Variants in PPP2R5C observed in about 807,000 individuals in gnomAD.
PPP2R5C encodes protein phosphatase 2 regulatory subunit B'gamma.
In PPP2R5C, 7 loss-of-function variants were observed where a neutral mutation model predicts 68.9. That is an observed-to-expected ratio of 0.10 (90% CI 0.06 to 0.19). PPP2R5C has a LOEUF of 0.19. PPP2R5C is among the 10% of genes least tolerant of loss of function. The pLI, the probability that PPP2R5C is intolerant of heterozygous loss-of-function variation, is 1.00. For synonymous variants in PPP2R5C, 210 were observed against 222.2 expected, an observed-to-expected ratio of 0.95 and a Z score of 0.49; for missense variants, 348 against 641.3, an observed-to-expected ratio of 0.54 and a Z score of 4.94.
chr14:101,904,413 G>A (rs993708830), intron 9 of PPP2R5C, among the ~76,000 whole-genome samples: 12 of 152,196 alleles, frequency 7.9e-5, no homozygotes, highest in Admixed American at 7.9e-4. Context: ...GCCTCCCAAA[G>A]TGCTGGGATT....
intron 2 of PPP2R5C, among the ~76,000 whole-genome samples, chr14:101,870,850 A>C (rs1320919625): frequency 6.6e-6 from 1 of 152,214 alleles, no homozygotes; most frequent in South Asian, 2.1e-4. Flanking sequence ...TTAGACTCGT[A>C]AATTAGTATT....
At chr14:101,795,545 A>G (rs1245503635) in intron 3 of PPP2R5C, among the ~76,000 whole-genome samples, 3 of 152,034 alleles carry the variant, frequency 2.0e-5, no homozygotes, top group Non-Finnish European at 4.4e-5. Context: ...GGAAGAGTAA[A>G]TTAATCATGG....
rs1239560216 is a variant in PPP2R5C, at chr14:101,916,215, G to A, written c.1327-1616G>A. On this transcript the variant is annotated intron_variant, in intron 12 of 13. Transcript: ENST00000334743. The surrounding 1 kb of genome is among the most constrained non-coding windows in gnomAD (Gnocchi z 5.5). ...TCGGGGTAGGGTGTGGAGATGTGTG[G>A]AGATCGTGGTGCTGGGCGGAGCTGT... 6.6e-6 allele frequency among the ~76,000 whole-genome samples: 1 copy of A among 151,662 alleles called. No individual in the cohort carries two copies. The highest frequency in any genetic ancestry group is 1.5e-5 in the Non-Finnish European group (1 of 67,874).
At chr14:101,779,049 C>A (rs1373382825) in intron 2 of PPP2R5C, among the ~76,000 whole-genome samples, 2 of 152,082 alleles carry the variant, frequency 1.3e-5, no homozygotes, top group Admixed American at 1.3e-4. Context: ...GACAGACAGA[C>A]CCTGTCTCAA....
At chr14:101,862,562 T>C (rs770709327) in intron 2 of PPP2R5C, among the ~76,000 whole-genome samples, 1 of 152,172 alleles carries the variant, frequency 6.6e-6, no homozygotes, top group Admixed American at 6.5e-5. Context: ...ATGTAGACAA[T>C]GACCTAAAAA....
At chr14:101,775,110 C>T (rs1198728666) in intron 2 of PPP2R5C, among the ~76,000 whole-genome samples, 1 of 152,212 alleles carries the variant, frequency 6.6e-6, no homozygotes, top group African/African-American at 2.4e-5. Flanking sequence ...GGGCCTGTAT[C>T]TGAAACCAGT....
intron 1 of PPP2R5C, among the ~76,000 whole-genome samples, chr14:101,853,256 T>G (rs1436225568): frequency 6.6e-6 from 1 of 151,922 alleles, no homozygotes; most frequent in African/African-American, 2.4e-5. Context: ...ACAGTAAAAT[T>G]CTTTTAAAAA....
chr14:101,870,040 C>CTTTTTT (rs141433870), intron 2 of PPP2R5C, among the ~76,000 whole-genome samples: 1 of 53,120 alleles, frequency 1.9e-5, no homozygotes, highest in Non-Finnish European at 3.7e-5. Flanking sequence ...TTCAATTGGG[C>CTTTTTT]TTTTTTTTTT....
intron 2 of PPP2R5C, among the ~76,000 whole-genome samples, chr14:101,777,125 C>T (rs970815315): frequency 2.0e-5 from 3 of 151,912 alleles, no homozygotes; most frequent in Admixed American, 6.6e-5. Context: ...GTGATCCGCC[C>T]GCCTCGGCCT....
upstream of PPP2R5C, chr14:101,761,849 A>G: frequency 9.7e-7 from 1 of 1,035,402 alleles, no homozygotes; most frequent in Non-Finnish European, 1.2e-6. Context: ...CTGCGGGGGC[A>G]GGCGGCGGCA....
chr14:101,829,840 A>G (rs1156855298), intron 1 of PPP2R5C, among the ~76,000 whole-genome samples: 1 of 152,164 alleles, frequency 6.6e-6, no homozygotes, highest in Non-Finnish European at 1.5e-5. Context: ...GGTGCTGCTT[A>G]GTCTCACTTT....
rs368410124 is a variant in PPP2R5C at position 101,906,377 on chromosome 14, C to T, written c.1024-25C>T. ...CTGATGTCTCAGGCACAACCTCCAGCAAGCCATCCACTTGTGTCTTTCAGG... is the reference window on the plus strand; with the variant it reads ...CTGATGTCTCAGGCACAACCTCCAGTAAGCCATCCACTTGTGTCTTTCAGG... On this transcript the variant is annotated intron_variant, in intron 9 of 13. Coordinates refer to ENST00000334743, the Ensembl canonical transcript of PPP2R5C. This position sits in a 1 kb window ranked among gnomAD's most constrained non-coding sequence, Gnocchi z 4.0. The T allele has an allele frequency of 6.4e-7, 1 of 1,567,794 alleles. No individual in the cohort carries two copies. The highest frequency in any genetic ancestry group is 1.4e-5 in the African/African-American group (1 of 73,342).
At chr14:101,894,687 C>T in intron 8 of PPP2R5C, 127 bp downstream of exon 10, 1 of 840,002 alleles carries the variant, frequency 1.2e-6, no homozygotes, top group Non-Finnish European at 1.9e-6. Flanking sequence ...TACTAATAAA[C>T]AGGCTCATTT....
chr14:101,807,709 G>A (rs975848309), upstream of PPP2R5C, among the ~76,000 whole-genome samples: 1 of 151,852 alleles, frequency 6.6e-6, no homozygotes, highest in Non-Finnish European at 1.5e-5. Context: ...TCAGCCTTGG[G>A]TTCTTTAAAG....
intron 1 of PPP2R5C, among the ~76,000 whole-genome samples, chr14:101,813,627 C>T (rs554818260): frequency 2.6e-5 from 4 of 152,198 alleles, no homozygotes; most frequent in Admixed American, 1.3e-4. Context: ...ACAGCCAAGC[C>T]GGAAAGATGG....
chr14:101,772,546 G>A (rs1415759243), intron 2 of PPP2R5C, among the ~76,000 whole-genome samples: 4 of 152,104 alleles, frequency 2.6e-5, no homozygotes, highest in Non-Finnish European at 5.9e-5. Flanking sequence ...TGTAATCCTG[G>A]CACTTTGGGA....
chr14:101,777,762 C>T (rs1359318141), intron 2 of PPP2R5C, among the ~76,000 whole-genome samples: 1 of 152,128 alleles, frequency 6.6e-6, no homozygotes. Context: ...ATTGTAGTTC[C>T]ACGTCCTTTA....
At chr14:101,922,148 T>C (rs2047040436) in intron 13 of PPP2R5C, 1 of 985,418 alleles carries the variant, frequency 1.0e-6, no homozygotes, top group Non-Finnish European at 1.2e-6. Flanking sequence ...TTTTCCCTTT[T>C]GTCCATGTCA....
In PPP2R5C at chr14:101,877,844, G is replaced by A. The variant is rs2043885220; in HGVS notation, c.295-4317G>A. Among the ~76,000 whole-genome samples, 1 of 152,190 alleles carries A rather than the reference G, an allele frequency of 6.6e-6. No individual in the cohort carries two copies. The highest frequency in any genetic ancestry group is 6.5e-5 in the Admixed American group (1 of 15,276). On this transcript the variant is annotated intron_variant, in intron 2 of 13. Coordinates refer to ENST00000334743, the Ensembl canonical transcript of PPP2R5C. This position sits in a 1 kb window ranked among gnomAD's most constrained non-coding sequence, Gnocchi z 4.2. Reference sequence around the variant, plus strand: ...TGCAAGTTTTTTTCCTTACACATGAGAAATGACTTTCAATCAATCAGAATT... The same window carrying A: ...TGCAAGTTTTTTTCCTTACACATGAAAAATGACTTTCAATCAATCAGAATT...
Sources: allele counts gnomAD v4.1 joint callset (sites outside exome capture counted in the v4.1 genomes callset), GRCh38; gene constraint gnomAD v4.1.1; non-coding constraint Gnocchi (gnomAD v3.1); transcripts MANE v1.5; gene names NCBI Gene and HGNC (gene_info 2026-07-23, HGNC 2026-07-21).